Variants in ATM observed in about 807,000 individuals in gnomAD.
The protein encoded by ATM is ATM serine/threonine kinase, also known as serine-protein kinase ATM.
Under a neutral mutation model 387.0 loss-of-function variants are expected in ATM, and 308 were observed. The ratio of observed to expected loss-of-function variants is 0.80; its 90% confidence interval spans 0.73 to 0.87. The LOEUF (loss-of-function observed/expected upper bound fraction) is 0.87, where lower values mean the gene tolerates loss of function less well. ATM is among the 40% of genes least tolerant of loss of function. The pLI, the probability that ATM is intolerant of heterozygous loss-of-function variation, is 0.00. For synonymous variants in ATM, 1,156 were observed against 1,187.3 expected, an observed-to-expected ratio of 0.97 and a Z score of 0.54; for missense variants, 3,312 against 3,560.9, an observed-to-expected ratio of 0.93 and a Z score of 1.78.
chr11:108,319,927 TA>T (rs2136217431), intron 43 of ATM, 26 bp from the exon 44 acceptor site: 1 of 1,508,348 alleles, frequency 6.6e-7, no homozygotes, highest in Non-Finnish European at 9.2e-7. Flanking sequence ...TTTTTAAGTA[TA>T]TTTTTTTCTT....
rs1060501585 is a variant in ATM, at chr11:108,253,957, C to T, written c.2042C>T (p.Ser681Phe). The T allele has an allele frequency of 1.2e-6, 2 of 1,614,110 alleles. No homozygotes were observed. The highest frequency in any genetic ancestry group is 1.7e-4 in the Middle Eastern group (1 of 6,060). The change falls in exon 13 of 63, where the codon TCT becomes TTT. Residue 681 changes from serine (S) to phenylalanine (F), a missense_variant. Transcript: ENST00000675843. ...AAGCACCAGTCCAGTATTGGCTTCTCTGTCCACCAGAATCTCAAGGAATCA... is the reference window on the plus strand; with the variant it reads ...AAGCACCAGTCCAGTATTGGCTTCTTTGTCCACCAGAATCTCAAGGAATCA... ...IEKHQSSIGF[S>F]VHQNLKESLD...
At chr11:108,282,914 A>C (rs1279431746) in intron 25 of ATM, 35 bp downstream of exon 25, 2 of 1,382,902 alleles carry the variant, frequency 1.4e-6, no homozygotes, top group East Asian at 4.7e-5. Flanking sequence ...AAATTTGTTT[A>C]ATTTAAAATT....
intron 16 of ATM, among the ~76,000 whole-genome samples, chr11:108,265,527 A>G (rs1278923618): frequency 1.3e-5 from 2 of 151,422 alleles, no homozygotes; most frequent in Non-Finnish European, 3.0e-5. Flanking sequence ...AACCATAAAA[A>G]CCCTAGAAGA....
chr11:108,360,747 C>T, intron 61 of ATM, among the ~76,000 whole-genome samples: 4 of 125,808 alleles, frequency 3.2e-5, no homozygotes, highest in Non-Finnish European at 4.9e-5. Context: ...AATTCAACAA[C>T]CCTTCATGCT....
At position 108,320,168 on chromosome 11, in the gene ATM, A is replaced by T. The variant is rs537947762; in HGVS notation, c.6452+110A>T. The T allele has an allele frequency of 6.1e-6, 5 of 823,090 alleles. No individual in the cohort carries two copies. The East Asian group carries it at 1.3e-4, about 21-fold the overall frequency. The allele number at this position is 823,090 out of a possible 1,614,324, so 51.0% of individuals were successfully genotyped here. On this transcript the variant is annotated intron_variant, in intron 44 of 62. Transcript: ENST00000675843. Reference sequence around the variant, plus strand: ...AAGGATTTGCATTGATGAAGAGATAAAGACTTGGTGGCTGTGATCAGATGT... The same window carrying T: ...AAGGATTTGCATTGATGAAGAGATATAGACTTGGTGGCTGTGATCAGATGT...
chr11:108,295,237 C>G, intron 32 of ATM, 178 bp downstream of exon 32: 1 of 727,690 alleles, frequency 1.4e-6, no homozygotes, highest in Non-Finnish European at 2.3e-6. Flanking sequence ...TCACCCTGAA[C>G]TCTTCCTGTT....
chr11:108,333,153 T>C (rs1243868521), intron 53 of ATM, among the ~76,000 whole-genome samples: 3 of 152,206 alleles, frequency 2.0e-5, no homozygotes, highest in Admixed American at 1.3e-4. Context: ...TACATACTTA[T>C]TACAGAGAAT....
chr11:108,323,500 A>G (rs1011927830), intron 45 of ATM, among the ~76,000 whole-genome samples: 1 of 152,194 alleles, frequency 6.6e-6, no homozygotes, highest in Non-Finnish European at 1.5e-5. Flanking sequence ...CAATAGGGCA[A>G]CTGTAGTTAA....
At chr11:108,327,780 T>G (rs746403191) in intron 48 of ATM, 22 bp downstream of exon 48, 1 of 1,527,636 alleles carries the variant, frequency 6.5e-7, no homozygotes, top group Non-Finnish European at 9.1e-7. Flanking sequence ...GGAGCAACCC[T>G]TAAGATAGTT....
chr11:108,315,831 C>T lies in ATM; in HGVS notation c.6015C>T (p.Leu2005=), dbSNP rs1397821498. 1 of 1,611,416 alleles carries T rather than the reference C, an allele frequency of 6.2e-7. No individual in the cohort carries two copies. Among genetic ancestry groups the T allele is most frequent in the African/African-American group, 1.3e-5 (1 of 74,812 alleles). ...EETGISLQDL[L]LEIYRSIGEP... Reference sequence around the variant, plus strand: ...TGTTTCCATGTTTTCAGGATCTTCTCTTAGAAATCTACAGAAGTATAGGGG... The same window carrying T: ...TGTTTCCATGTTTTCAGGATCTTCTTTTAGAAATCTACAGAAGTATAGGGG... Residue 2005 remains leucine, a synonymous_variant, in exon 41 of 63, where the codon CTC becomes CTT. Coordinates refer to ENST00000675843, the MANE Select transcript of ATM (RefSeq NM_000051.4).
At chr11:108,319,023 A>C (rs1377657512) in intron 43 of ATM, among the ~76,000 whole-genome samples, 1 of 152,076 alleles carries the variant, frequency 6.6e-6, no homozygotes, top group Non-Finnish European at 1.5e-5. Flanking sequence ...AAAAAAATAC[A>C]AAAGTTAGCT....
intron 22 of ATM, among the ~76,000 whole-genome samples, chr11:108,278,287 A>C (rs550498516): frequency 1.3e-5 from 2 of 152,298 alleles, no homozygotes; most frequent in African/African-American, 4.8e-5. Context: ...ATTTCTAATG[A>C]ATATGTTTAG....
At chr11:108,272,696 A>G in intron 21 of ATM, 26 bp from the exon 22 acceptor site, 1 of 1,613,760 alleles carries the variant, frequency 6.2e-7, no homozygotes, top group Non-Finnish European at 8.5e-7. Context: ...TCTATTTCAT[A>G]TTTAACCACA....
At position 108,319,951 on chromosome 11, in the gene ATM, C is replaced by T. The variant is rs946541820; in HGVS notation, c.6348-3C>T. Reference sequence around the variant, plus strand: ...ATATTTTTTTCTTTGACTTATCTCACAGCAAAGAAGTAGAAGGAACCAGTT... The same window carrying T: ...ATATTTTTTTCTTTGACTTATCTCATAGCAAAGAAGTAGAAGGAACCAGTT... On this transcript the variant is annotated splice_region_variant and splice_polypyrimidine_tract_variant and intron_variant, in intron 43 of 62. Coordinates refer to ENST00000675843, the MANE Select transcript of ATM (RefSeq NM_000051.4). The T allele has an allele frequency of 1.9e-6, 3 of 1,600,542 alleles. No homozygotes were observed. Among genetic ancestry groups the T allele is most frequent in the Non-Finnish European group, 2.6e-6 (3 of 1,167,894 alleles).
At chr11:108,308,800 T>C (rs2083891373) in intron 38 of ATM, 1 of 534,594 alleles carries the variant, frequency 1.9e-6, no homozygotes, top group East Asian at 3.0e-5. Context: ...TCTTCTCTAG[T>C]AGAAAAAGAA....
chr11:108,253,689 A>T (rs1478296784), intron 12 of ATM, 125 bp from the exon 13 acceptor site: 1 of 615,982 alleles, frequency 1.6e-6, no homozygotes, highest in South Asian at 2.3e-5. Flanking sequence ...TCTATTAATT[A>T]TATAAGTAGT....
intron 17 of ATM, among the ~76,000 whole-genome samples, chr11:108,268,131 C>G (rs1319439811): frequency 1.3e-5 from 2 of 151,874 alleles, no homozygotes; most frequent in Non-Finnish European, 2.9e-5. Flanking sequence ...TTTTTATTGT[C>G]AGAAATTTAG....
At chr11:108,296,274 G>C (rs188420738) in intron 32 of ATM, among the ~76,000 whole-genome samples, 7 of 147,816 alleles carry the variant, frequency 4.7e-5, no homozygotes, top group South Asian at 2.1e-4. Context: ...TTTTTGAAAC[G>C]AAGTCTCACT....
At position 108,268,539 on chromosome 11, in the gene ATM, T is replaced by C. The variant is rs2081390566; in HGVS notation, c.2768T>C (p.Ile923Thr). The change falls in exon 18 of 63, where the codon ATT (isoleucine) becomes ACT (threonine). Residue 923 changes from isoleucine to threonine, a missense_variant. Ile to Thr is a moderately conservative substitution (Grantham distance 89, BLOSUM62 -1). Around this residue, in one of 4 missense-constraint regions of ATM, gnomAD observed 1,791 missense variants for 1,804.5 expected, o/e 0.99. Coordinates refer to ENST00000675843, the MANE Select transcript of ATM (RefSeq NM_000051.4). ...ACTGTGTCCTTTAGGGCAGCTGATA[T>C]TCGGAGGAAATTGTTAATGTTAATT... is the stretch of plus-strand genomic sequence containing the variant. ...TNTVSFRAAD[I>T]RRKLLMLIDS... is the part of the protein sequence containing the mutation. 3 of 1,614,114 alleles carry C rather than the reference T, an allele frequency of 1.9e-6. No individual in the cohort carries two copies. The highest frequency in any genetic ancestry group is 1.6e-4 in the Middle Eastern group (1 of 6,062).
Sources: gnomAD v4.1 joint callset for allele counts (sites outside exome capture counted in the v4.1 genomes callset) on GRCh38, gnomAD v4.1.1 for gene constraint, gnomAD v4.1.1 regional missense constraint, MANE v1.5 for transcripts, NCBI Gene and HGNC (gene_info 2026-07-23, HGNC 2026-07-21) for gene names.